The following GPC1 variants were observed in gnomAD, a reference collection of about 807,000 sequenced individuals.
The protein encoded by GPC1 is glypican 1, also known as glypican-1.
A neutral mutation model predicts 51.5 loss-of-function variants in GPC1; 26 were observed. The observed-to-expected ratio is 0.50, with a 90% CI of 0.37 to 0.70. The LOEUF (loss-of-function observed/expected upper bound fraction) is 0.70, where lower values mean the gene tolerates loss of function less well. GPC1 is among the 30% of genes least tolerant of loss of function. GPC1 has a pLI of 0.00. For synonymous variants in GPC1, 380 were observed against 348.3 expected, an observed-to-expected ratio of 1.09 and a Z score of -1.01; for missense variants, 775 against 800.5, an observed-to-expected ratio of 0.97 and a Z score of 0.38.
At chr2:240,437,515 C>T (rs967669032) in intron 1 of GPC1, among the ~76,000 whole-genome samples, 3 of 152,120 alleles carry the variant, frequency 2.0e-5, no homozygotes, top group Non-Finnish European at 4.4e-5. Context: ...CTTCCTGTGC[C>T]TCTGCAGAGG....
chr2:240,447,500 G>A (rs566179224), intron 1 of GPC1, among the ~76,000 whole-genome samples: 10 of 152,248 alleles, frequency 6.6e-5, no homozygotes, highest in Non-Finnish European at 1.3e-4. Context: ...CTGTCCCCAT[G>A]GACCTCGGGT....
At chr2:240,465,400 A>T (rs1574781082) in intron 7 of GPC1, 73 bp from the exon 8 acceptor site, 1 of 1,458,874 alleles carries the variant, frequency 6.9e-7, no homozygotes, top group Non-Finnish European at 9.5e-7. Flanking sequence ...AGCGTGGGAG[A>T]GTGTCCTGCT....
intron 1 of GPC1, chr2:240,451,505 C>T: frequency 3.0e-6 from 1 of 330,720 alleles, no homozygotes; most frequent in East Asian, 9.0e-5. Flanking sequence ...CAGGGTTGGG[C>T]ATAGAGATGT....
At chr2:240,444,778 G>A (rs1400362224) in intron 1 of GPC1, among the ~76,000 whole-genome samples, 8 of 152,166 alleles carry the variant, frequency 5.3e-5, no homozygotes, top group Non-Finnish European at 1.0e-4. Context: ...CGTGTCTGGC[G>A]CATCCTTGGT....
In GPC1 at chr2:240,454,232, C is replaced by T. The variant is rs186690732; in HGVS notation, c.167-4798C>T. Among the ~76,000 whole-genome samples, 5 of 152,296 alleles carry T rather than the reference C, an allele frequency of 3.3e-5. No homozygotes were observed. In the East Asian group the frequency reaches 9.7e-4, roughly 29 times the overall value. The stretch of plus-strand genomic sequence containing the variant: ...CTCAGACGTCAGGAGCCCAGGCGGA[C>T]AGGGACTGGCCAGGGGCGCAGGCTT... On this transcript the variant is annotated intron_variant, in intron 1 of 8. Coordinates refer to ENST00000264039, the MANE Select transcript of GPC1 (RefSeq NM_002081.3).
chr2:240,440,338 G>A (rs114220212), intron 1 of GPC1, among the ~76,000 whole-genome samples: 1,527 of 152,320 alleles, frequency 0.01, 33 homozygotes, highest in African/African-American at 0.035. Context: ...TTTTACAAAT[G>A]AGTAAACCGA....
Position 240,463,531 on chromosome 2 carries a change from G to A in GPC1, c.883+19G>A, listed in dbSNP as rs368594383. On this transcript the variant is annotated intron_variant, in intron 4 of 8. Coordinates refer to ENST00000264039, the MANE Select transcript of GPC1 (RefSeq NM_002081.3). ...CTCCTGGGTGAGCCCCCACCCGCGA[G>A]AGCGGCCTGGAACTGTCTTGGGGAG... 7.5e-6 allele frequency: 12 copies of A among 1,610,338 alleles called. No homozygotes were observed. The highest frequency in any genetic ancestry group is 6.7e-5 in the East Asian group (3 of 44,866).
chr2:240,462,637 C>T (rs1227713202), intron 3 of GPC1, 55 bp downstream of exon 3: 2 of 1,446,024 alleles, frequency 1.4e-6, no homozygotes, highest in Non-Finnish European at 1.8e-6. Context: ...CATGCTCTGC[C>T]CAAGGGACTT....
chr2:240,464,938 C>T lies in GPC1; in HGVS notation c.1097C>T (p.Pro366Leu), dbSNP rs1448514016. ...EEKRRRGKLA[P>L]RERPPSGTLE... The stretch of plus-strand genomic sequence containing the variant: ...AAGCGGCGCCGGGGCAAGCTGGCCC[C>T]GCGGGAGAGGCCACCTTCAGGCACG... Residue 366 changes from proline (P) to leucine (L), a missense_variant, in exon 6 of 9, where the codon CCG becomes CTG. By Grantham distance (98) the Pro-to-Leu change is moderately conservative (BLOSUM62 -3). Transcript: ENST00000264039. 23 of 1,551,764 alleles carry T rather than the reference C, an allele frequency of 1.5e-5. No individual in the cohort carries two copies. The East Asian group carries it at 3.2e-4, about 21-fold the overall frequency.
chr2:240,452,945 C>T, intron 1 of GPC1: 1 of 321,078 alleles, frequency 3.1e-6, no homozygotes, highest in African/African-American at 2.3e-5. Context: ...CCCCGCTCCG[C>T]CGCCTTTCCC....
chr2:240,446,389 A>G (rs890545443), intron 1 of GPC1, among the ~76,000 whole-genome samples: 4 of 152,260 alleles, frequency 2.6e-5, no homozygotes, highest in African/African-American at 9.6e-5. Flanking sequence ...GCGCAGAGAC[A>G]GGGCACGTAT....
chr2:240,450,237 C>G, intron 1 of GPC1: 1 of 323,526 alleles, frequency 3.1e-6, no homozygotes, highest in South Asian at 2.6e-5. Flanking sequence ...TGGGCGGCCA[C>G]CAACTCATCA....
At chr2:240,436,135 C>G in intron 1 of GPC1, 51 bp downstream of exon 1, 1 of 1,182,078 alleles carries the variant, frequency 8.5e-7, no homozygotes, top group South Asian at 3.9e-5. Flanking sequence ...GCTTTGGGCT[C>G]CGGACCCTGG....
At chr2:240,437,589 G>A (rs2073992164) in intron 1 of GPC1, among the ~76,000 whole-genome samples, 1 of 152,178 alleles carries the variant, frequency 6.6e-6, no homozygotes, top group African/African-American at 2.4e-5. Context: ...CAGGTAGGGG[G>A]CACACCTGGA....
intron 1 of GPC1, chr2:240,450,820 G>A (rs908148739): frequency 2.1e-6 from 1 of 467,898 alleles, no homozygotes; most frequent in Admixed American, 2.4e-5. Context: ...CTGGGTGCCA[G>A]GTAGGGAGGC....
chr2:240,466,555 C>T lies in GPC1; in HGVS notation c.*265C>T, dbSNP rs114227592. ...ATTTCAGGGACCTCAGGGGCACCTC[C>T]GGCTGCCTAGCCCTCCCCCCAGCTC... On this transcript the variant is annotated 3_prime_UTR_variant, in exon 9 of 9. Transcript: ENST00000264039. 3.2e-3 allele frequency: 1,574 copies of T among 491,454 alleles called. 20 individuals carry two copies. The highest frequency in any genetic ancestry group is 0.028 in the African/African-American group (1,432 of 51,662). 30.4% of individuals were successfully genotyped at this position (491,454 alleles called of 1,614,324 possible). A position where few individuals can be genotyped will look rare whatever the true frequency, so the allele number is the denominator to read the frequency against.
chr2:240,445,281 T>C (rs1454757753), intron 1 of GPC1, among the ~76,000 whole-genome samples: 1 of 152,116 alleles, frequency 6.6e-6, no homozygotes, highest in Non-Finnish European at 1.5e-5. Flanking sequence ...GACAGATACC[T>C]GGGAAGGTCC....
intron 3 of GPC1, 48 bp downstream of exon 3, chr2:240,462,630 G>T: frequency 6.8e-7 from 1 of 1,479,508 alleles, no homozygotes. Context: ...AGACCCCCAT[G>T]CTCTGCCCAA....
In GPC1 at chr2:240,464,746, G is replaced by GGTGC. The variant is rs1327748793; in HGVS notation, c.1014+2_1014+5dup. The GGTGC allele has an allele frequency of 6.2e-7, 1 of 1,605,808 alleles. No homozygotes were observed. The highest frequency in any genetic ancestry group is 8.5e-7 in the Non-Finnish European group (1 of 1,176,590). On this transcript the variant is annotated frameshift_variant and splice_region_variant. Coordinates refer to ENST00000264039, the MANE Select transcript of GPC1 (RefSeq NM_002081.3). LOFTEE classifies it high-confidence loss of function. ...ACAACAGGGACACGCTCACGGCCAA[G>GGTGC]GTGCGGGCAGGAGGACGTGACGAGC...
Sources: allele counts gnomAD v4.1 joint callset (sites outside exome capture counted in the v4.1 genomes callset), GRCh38; gene constraint gnomAD v4.1.1; transcripts MANE v1.5; gene names NCBI Gene and HGNC (gene_info 2026-07-23, HGNC 2026-07-21).